Variants in WDR20 observed in about 807,000 individuals in gnomAD.
The protein encoded by WDR20 is WD repeat-containing protein 20.
Under a neutral mutation model 38.7 loss-of-function variants are expected in WDR20, and 3 were observed. That is an observed-to-expected ratio of 0.08 (90% confidence interval 0.04 to 0.20). The LOEUF (loss-of-function observed/expected upper bound fraction) is 0.20, where lower values mean the gene tolerates loss of function less well. Among genes scored for constraint, WDR20 ranks in the 10% least tolerant of loss-of-function variants. The probability of loss-of-function intolerance (pLI) is 1.00; values close to 1 mark genes in which losing one functional copy is unlikely to be tolerated. For synonymous variants in WDR20, 298 were observed against 285.6 expected, an observed-to-expected ratio of 1.04 and a Z score of -0.44; for missense variants, 559 against 727.7, an observed-to-expected ratio of 0.77 and a Z score of 2.67.
chr14:102,154,953 G>C (rs1356824226), intron 1 of WDR20, among the ~76,000 whole-genome samples: 6 of 152,166 alleles, frequency 3.9e-5, no homozygotes. Flanking sequence ...ATTAATAATT[G>C]ATAGGACAAA....
chr14:102,210,855 CG>C, downstream of WDR20, among the ~76,000 whole-genome samples: 1 of 152,288 alleles, frequency 6.6e-6, no homozygotes, highest in East Asian at 1.9e-4. Context: ...ACATGGCCCT[CG>C]TTTGGGCTTC....
chr14:102,158,125 G>A (rs1595986782), intron 1 of WDR20, among the ~76,000 whole-genome samples: 1 of 152,160 alleles, frequency 6.6e-6, no homozygotes, highest in East Asian at 1.9e-4. Flanking sequence ...CTCGATCCCA[G>A]TCTTGGCTAA....
intron 1 of WDR20, among the ~76,000 whole-genome samples, chr14:102,189,209 C>CAAT (rs879341112): frequency 6.6e-6 from 1 of 151,444 alleles, no homozygotes; most frequent in South Asian, 2.1e-4. Flanking sequence ...GACCCTGTCT[C>CAAT]AATAATAATA....
chr14:102,162,276 T>C (rs1450701439), intron 1 of WDR20, among the ~76,000 whole-genome samples: 2 of 152,164 alleles, frequency 1.3e-5, no homozygotes, highest in Admixed American at 1.3e-4. Flanking sequence ...TTTGACTGCA[T>C]TGTACTGTTT....
At chr14:102,212,713 C>G, downstream of WDR20, 1 of 1,481,742 alleles carries the variant, frequency 6.7e-7, no homozygotes. Flanking sequence ...CGCGGTGGTT[C>G]CTGATATCAG....
downstream of WDR20, among the ~76,000 whole-genome samples, chr14:102,216,099 C>T (rs550826467): frequency 2.6e-5 from 4 of 152,294 alleles, no homozygotes; most frequent in East Asian, 1.9e-4. Flanking sequence ...GCACGTTCAT[C>T]GGGTGGGGAA....
In WDR20 at chr14:102,220,213, G is replaced by T. The variant is rs1292372563; in HGVS notation, c.1693-2617G>T. On this transcript the variant is annotated intron_variant, in intron 3 of 3. Coordinates refer to the WDR20 transcript ENST00000335263. This position sits in a 1 kb window ranked among gnomAD's most constrained non-coding sequence, Gnocchi z 4.2. ...GTGATGGAAAGCAGCCGAGTCCTCTGGGGCCTCACACTCAGTGAGAGGAAG... is the reference window on the plus strand; with the variant it reads ...GTGATGGAAAGCAGCCGAGTCCTCTTGGGCCTCACACTCAGTGAGAGGAAG... Among the ~76,000 whole-genome samples, 1 of 152,148 alleles carries T rather than the reference G, an allele frequency of 6.6e-6. No homozygotes were observed. Among genetic ancestry groups the T allele is most frequent in the East Asian group, 1.9e-4 (1 of 5,180 alleles).
intron 1 of WDR20, among the ~76,000 whole-genome samples, chr14:102,175,927 T>C (rs2061955750): frequency 6.6e-6 from 1 of 152,212 alleles, no homozygotes; most frequent in South Asian, 2.1e-4. Context: ...ACTGAATTCA[T>C]TTATCAGATC....
rs1303265839 is a variant in WDR20, at chr14:102,222,534, T to C, written c.1693-296T>C. ...GGTCAGCAAAGCTCCAAAGAACCTG[T>C]TCTCAGGTGCTGAGAAACCACTGTC... On this transcript the variant is annotated intron_variant, in intron 3 of 3. Transcript: ENST00000335263. This position sits in a 1 kb window ranked among gnomAD's most constrained non-coding sequence, Gnocchi z 4.4. Among the ~76,000 whole-genome samples, 2 of 152,164 alleles carry C rather than the reference T, an allele frequency of 1.3e-5. No homozygotes were observed. Among genetic ancestry groups the C allele is most frequent in the Non-Finnish European group, 2.9e-5 (2 of 68,006 alleles).
intron 1 of WDR20, among the ~76,000 whole-genome samples, chr14:102,142,777 T>TG (rs1169213413): frequency 6.8e-6 from 1 of 147,808 alleles, no homozygotes; most frequent in Non-Finnish European, 1.5e-5. Flanking sequence ...GTTTTGACTT[T>TG]TTTTTTTTTT....
chr14:102,206,556 T>C (rs2061574476), intron 2 of WDR20, among the ~76,000 whole-genome samples: 1 of 152,218 alleles, frequency 6.6e-6, no homozygotes, highest in Non-Finnish European at 1.5e-5. Flanking sequence ...AACAATGAAG[T>C]GATCCTAGAA....
Position 102,178,076 on chromosome 14 carries a change from TGA to T in WDR20, c.250-16859_250-16858del. Among the ~76,000 whole-genome samples, 2 of 152,174 alleles carry T rather than the reference TGA, an allele frequency of 1.3e-5. 1 individual carries two copies. The highest frequency in any genetic ancestry group is 2.9e-5 in the Non-Finnish European group (2 of 68,038). ...GTATCTTTTGTAGGGTGGTGGAGTTTGAGATCTGTATATATGGGGTTGAATTG... is the reference window on the plus strand; with the variant it reads ...GTATCTTTTGTAGGGTGGTGGAGTTTGATCTGTATATATGGGGTTGAATTG... On this transcript the variant is annotated intron_variant, in intron 1 of 2. Coordinates refer to ENST00000342702, the MANE Select transcript of WDR20 (RefSeq NM_144574.4).
chr14:102,171,739 G>T (rs1186889475), intron 1 of WDR20, among the ~76,000 whole-genome samples: 1 of 151,698 alleles, frequency 6.6e-6, no homozygotes, highest in East Asian at 1.9e-4. Context: ...CTATTGGGGA[G>T]TATTGTGTTA....
intron 1 of WDR20, among the ~76,000 whole-genome samples, chr14:102,162,992 C>T (rs531152054): frequency 3.3e-5 from 5 of 152,246 alleles, no homozygotes; most frequent in Admixed American, 3.3e-4. Flanking sequence ...GGCTTGCTAG[C>T]CCTTTTGCAT....
At chr14:102,186,760 G>C (rs570657603) in intron 1 of WDR20, among the ~76,000 whole-genome samples, 1 of 152,038 alleles carries the variant, frequency 6.6e-6, no homozygotes, top group Non-Finnish European at 1.5e-5. Flanking sequence ...GACCACCCTG[G>C]CTAACATGGT....
At chr14:102,145,328 G>GT (rs1435886144) in intron 1 of WDR20, among the ~76,000 whole-genome samples, 14 of 152,158 alleles carry the variant, frequency 9.2e-5, no homozygotes, top group Non-Finnish European at 1.5e-5. Context: ...TTGCTAGTAG[G>GT]TAAAAAATTT....
In WDR20 at chr14:102,173,498, T is replaced by G. The variant is rs1009544081; in HGVS notation, c.250-21440T>G. Among the ~76,000 whole-genome samples, 31 of 150,052 alleles carry G rather than the reference T, an allele frequency of 2.1e-4. 1 individual carries two copies. Among genetic ancestry groups the G allele is most frequent in the African/African-American group, 7.1e-4 (29 of 40,934 alleles). Reference sequence around the variant, plus strand: ...ATTATTATTTTTATCAATAGGTTTTTGGGGAACAGGAGGTATTTGGTTACA... The same window carrying G: ...ATTATTATTTTTATCAATAGGTTTTGGGGGAACAGGAGGTATTTGGTTACA... On this transcript the variant is annotated intron_variant, in intron 1 of 2. Transcript: ENST00000342702.
downstream of WDR20, among the ~76,000 whole-genome samples, chr14:102,218,643 A>G (rs531311583): frequency 1.3e-5 from 2 of 152,024 alleles, no homozygotes; most frequent in African/African-American, 4.8e-5. Context: ...GAGCTGGAGT[A>G]TTTTTTTATC....
Position 102,222,934 on chromosome 14 carries a change from G to T in WDR20, c.*51G>T. ...TCCCGGGACTTGGACTCGAGGGAGT[G>T]ACGAGGAGGAGCTCCGAGCTGCGCC... is the stretch of plus-strand genomic sequence containing the variant. On this transcript the variant is annotated 3_prime_UTR_variant, in exon 4 of 4. Coordinates refer to the WDR20 transcript ENST00000335263. This position sits in a 1 kb window ranked among gnomAD's most constrained non-coding sequence, Gnocchi z 4.4. 1 of 1,607,080 alleles carries T rather than the reference G, an allele frequency of 6.2e-7. No individual in the cohort carries two copies. The highest frequency in any genetic ancestry group is 1.1e-5 in the South Asian group (1 of 90,724).
Sources: gnomAD v4.1 joint callset for allele counts (sites outside exome capture counted in the v4.1 genomes callset) on GRCh38, gnomAD v4.1.1 for gene constraint, Gnocchi (gnomAD v3.1) non-coding constraint, MANE v1.5 for transcripts, NCBI Gene and HGNC (gene_info 2026-07-23, HGNC 2026-07-21) for gene names.